ABHD12: variants seen among roughly 807,000 people sequenced by gnomAD.
ABHD12 encodes the protein lysophosphatidylserine lipase ABHD12.
ABHD12 carries 43 observed loss-of-function variants against 58.3 expected under a neutral mutation model. The observed-to-expected ratio is 0.74, with a 90% CI of 0.58 to 0.95. The LOEUF is 0.95. ABHD12 is among the 40% of genes least tolerant of loss of function. ABHD12 has a pLI of 0.00. For missense variants in ABHD12, 539 were observed against 537.2 expected, an observed-to-expected ratio of 1.00 and a Z score of -0.03; for synonymous variants, 219 against 211.2, an observed-to-expected ratio of 1.04 and a Z score of -0.32.
rs141011212 is a variant in ABHD12, at chr20:25,351,062, C to A, written c.192-11711G>T. Among the ~76,000 whole-genome samples, 50 of 152,206 alleles carry A rather than the reference C, an allele frequency of 3.3e-4. 1 individual carries two copies. The East Asian group carries it at 9.1e-3, about 28-fold the overall frequency. ...CACCTCTTCTTCAGAGAGCTACTCT[C>A]TCTTAGAGTATTGCCATATGCATAA... is the stretch of plus-strand genomic sequence containing the variant. On this transcript the variant is annotated intron_variant, in intron 1 of 12. Coordinates refer to ENST00000339157, the MANE Select transcript of ABHD12 (RefSeq NM_001042472.3).
At chr20:25,295,609 A>G (rs757485837), downstream of ABHD12, 3 of 1,613,794 alleles carry the variant, frequency 1.9e-6, no homozygotes, top group Non-Finnish European at 2.5e-6. Context: ...TCCAGGTTCA[A>G]GGTGTTTGCA....
At chr20:25,296,269 C>T (rs976963158), downstream of ABHD12, 18 of 1,439,856 alleles carry the variant, frequency 1.3e-5, no homozygotes, top group African/African-American at 5.6e-5. Context: ...CCCCAAGGCT[C>T]GGAGCTCATT....
chr20:25,373,635 T>C (rs2089925707), intron 1 of ABHD12, among the ~76,000 whole-genome samples: 1 of 152,174 alleles, frequency 6.6e-6, no homozygotes, highest in African/African-American at 2.4e-5. Context: ...CATATCTTTG[T>C]TCCTGTGTGC....
rs569637456 is a variant in ABHD12 at position 25,320,287 on chromosome 20, C to T, written c.454G>A (p.Ala152Thr). The stretch of plus-strand genomic sequence containing the variant: ...TACCACATCTGGTCTTTGCCTTGGG[C>T]GTTCTTCCACCAGACTGCAGGGACG... ...HTVPAVWWKN[A>T]QGKDQMWYED... Residue 152 changes from alanine to threonine, a missense_variant, in exon 4 of 13, where the codon GCC (alanine) becomes ACC (threonine). By Grantham distance (58) the Ala-to-Thr change is moderately conservative (BLOSUM62 0). Coordinates refer to ENST00000339157, the MANE Select transcript of ABHD12 (RefSeq NM_001042472.3). 2.7e-5 allele frequency: 44 copies of T among 1,614,050 alleles called. No individual in the cohort carries two copies. The highest frequency in any genetic ancestry group is 5.3e-5 in the African/African-American group (4 of 75,074).
At chr20:25,381,341 C>T (rs1324028612) in intron 1 of ABHD12, among the ~76,000 whole-genome samples, 1 of 152,178 alleles carries the variant, frequency 6.6e-6, no homozygotes, top group Non-Finnish European at 1.5e-5. Flanking sequence ...TTATCTGCCT[C>T]CCCTACCAGA....
rs113519334 is a variant in ABHD12, at chr20:25,306,146, G to A, written c.950+687C>T. 8.2e-3 allele frequency among the ~76,000 whole-genome samples: 1,214 copies of A among 148,870 alleles called. 21 individuals are homozygous for A. Among genetic ancestry groups the A allele is most frequent in the African/African-American group, 0.029 (1,164 of 40,360 alleles). On this transcript the variant is annotated intron_variant, in intron 10 of 12. Transcript: ENST00000339157. ...CACGCCACTGCACTACAACCTGGGT[G>A]ACAGAGCAAGACTCCGTCTCAAAAA...
intron 6 of ABHD12, among the ~76,000 whole-genome samples, chr20:25,312,693 G>A: frequency 6.6e-6 from 1 of 151,124 alleles, no homozygotes; most frequent in Non-Finnish European, 1.5e-5. Context: ...TGGGAAGTGA[G>A]GAGCGCCTCT....
At chr20:25,298,037 A>T (rs951463404), downstream of ABHD12, 8 of 151,776 alleles carry the variant, frequency 5.3e-5, no homozygotes, top group Admixed American at 4.6e-4. Context: ...TTCACTAACT[A>T]ACTAACTAAC....
chr20:25,326,125 GAGGGA>G (rs1276004914), intron 2 of ABHD12, among the ~76,000 whole-genome samples: 2 of 143,528 alleles, frequency 1.4e-5, no homozygotes, highest in South Asian at 2.5e-4. Flanking sequence ...GAGGGGAGGG[GAGGGA>G]AGGGAAGGGA....
At chr20:25,386,914 G>T (rs1462834881) in intron 1 of ABHD12, among the ~76,000 whole-genome samples, 1 of 151,992 alleles carries the variant, frequency 6.6e-6, no homozygotes, top group East Asian at 1.9e-4. Context: ...TGAATAAATA[G>T]AATCTGGCTA....
intron 1 of ABHD12, 37 bp downstream of exon 1, chr20:25,390,476 G>T: frequency 9.7e-7 from 1 of 1,031,726 alleles, no homozygotes; most frequent in Non-Finnish European, 1.2e-6. Context: ...GTGAGGGACC[G>T]GCCCCCCCCC....
chr20:25,331,861 G>A (rs1456196713), intron 2 of ABHD12, among the ~76,000 whole-genome samples: 1 of 152,040 alleles, frequency 6.6e-6, no homozygotes, highest in Non-Finnish European at 1.5e-5. Context: ...ATGCCAAAAT[G>A]TAAAGACCAT....
intron 5 of ABHD12, among the ~76,000 whole-genome samples, chr20:25,316,818 T>C (rs2088970471): frequency 6.6e-6 from 1 of 152,172 alleles, no homozygotes; most frequent in Non-Finnish European, 1.5e-5. Context: ...ACCTGCAGTC[T>C]CAGGAGGCTG....
chr20:25,378,639 T>TA lies in ABHD12; in HGVS notation c.191+11873dup, dbSNP rs1477149054. 3.3e-5 allele frequency among the ~76,000 whole-genome samples: 5 copies of TA among 152,168 alleles called. No individual in the cohort carries two copies. In the East Asian group the frequency reaches 9.6e-4, roughly 29 times the overall value. ...CCCATTACGAACAGTTCAGTCAATA[T>TA]ACCCCAAGCTTTGTTTGAAGACTCC... On this transcript the variant is annotated intron_variant, in intron 1 of 12. Transcript: ENST00000339157.
intron 1 of ABHD12, among the ~76,000 whole-genome samples, chr20:25,381,606 C>A (rs1478676232): frequency 6.7e-6 from 1 of 149,766 alleles, no homozygotes; most frequent in Non-Finnish European, 1.5e-5. Flanking sequence ...CATGAGCTAA[C>A]AGATCTTTCT....
chr20:25,369,884 AG>A (rs2089876256), intron 1 of ABHD12, among the ~76,000 whole-genome samples: 2 of 139,210 alleles, frequency 1.4e-5, no homozygotes, highest in South Asian at 4.6e-4. Flanking sequence ...GAATGAGACC[AG>A]TGTGGGCAGC....
intron 1 of ABHD12, among the ~76,000 whole-genome samples, chr20:25,353,219 T>A (rs2089624469): frequency 6.6e-6 from 1 of 150,886 alleles, no homozygotes. Context: ...TTTTCCAAAT[T>A]CTAGAGCTGA....
chr20:25,302,472 G>T, intron 11 of ABHD12, 126 bp from the exon 12 acceptor site: 12 of 1,298,076 alleles, frequency 9.2e-6, no homozygotes, highest in Non-Finnish European at 1.3e-5. Flanking sequence ...ACTGCTTGTT[G>T]CCACAGCCGG....
rs1555810299 is a variant in ABHD12, at chr20:25,302,246, TTGTAAA to T, written c.1124_1129del (p.Ile375_Tyr376del). Reference sequence around the variant, plus strand: ...CAGTATCCGTGGCAGCTCAGGGCTCTTGTAAATGTATTTGTGCCTGTAGCCAAGGTC... The same window carrying T: ...CAGTATCCGTGGCAGCTCAGGGCTCTTGTATTTGTGCCTGTAGCCAAGGTC... On this transcript the variant is annotated inframe_deletion, in exon 12 of 13. Transcript: ENST00000339157. 21 of 1,613,676 alleles carry T rather than the reference TTGTAAA, an allele frequency of 1.3e-5. No individual in the cohort carries two copies. The highest frequency in any genetic ancestry group is 1.8e-5 in the Non-Finnish European group (21 of 1,179,990).
Sources: gnomAD v4.1 joint callset for allele counts (sites outside exome capture counted in the v4.1 genomes callset) on GRCh38, gnomAD v4.1.1 for gene constraint, MANE v1.5 for transcripts, NCBI Gene and HGNC (gene_info 2026-07-23, HGNC 2026-07-21) for gene names.